RBFOX1: variants seen among roughly 807,000 people sequenced by gnomAD.
RBFOX1 encodes the protein RNA binding fox-1 homolog 1, also known as RNA binding protein fox-1 homolog 1.
In RBFOX1, 8 loss-of-function variants were observed where a neutral mutation model predicts 57.7. That is an observed-to-expected ratio of 0.14 (90% CI 0.08 to 0.25). RBFOX1 has a LOEUF of 0.25. RBFOX1 is among the 10% of genes least tolerant of loss of function. The probability of loss-of-function intolerance (pLI) is 1.00; values close to 1 mark genes in which losing one functional copy is unlikely to be tolerated. For synonymous variants in RBFOX1, 326 were observed against 222.4 expected, an observed-to-expected ratio of 1.47 and a Z score of -4.15; for missense variants, 611 against 548.5, an observed-to-expected ratio of 1.11 and a Z score of -1.14.
chr16:6,822,654 C>A (rs556100715), intron 3 of RBFOX1, among the ~76,000 whole-genome samples: 219 of 152,282 alleles, frequency 1.4e-3, no homozygotes, highest in African/African-American at 5.0e-3. Context: ...TAGACAACCC[C>A]ATGCTAATTC....
At chr16:7,280,757 C>A (rs1436480178) in intron 4 of RBFOX1, among the ~76,000 whole-genome samples, 1 of 152,070 alleles carries the variant, frequency 6.6e-6, no homozygotes, top group South Asian at 2.1e-4. Context: ...TTGGCAAAAT[C>A]CCTGGCCTTT....
At chr16:6,167,859 C>T (rs1050929704) in intron 1 of RBFOX1, among the ~76,000 whole-genome samples, 2 of 152,064 alleles carry the variant, frequency 1.3e-5, no homozygotes, top group Non-Finnish European at 2.9e-5. Flanking sequence ...AGCACTGCTC[C>T]GGGATGGGGT....
At chr16:5,599,292 C>G (rs1288161758) in exon 3 of RBFOX1, 1 of 634,096 alleles carries the variant, frequency 1.6e-6, no homozygotes, top group Admixed American at 2.5e-5. Flanking sequence ...TGTGACGGCC[C>G]CAGGTTGTGG....
intron 4 of RBFOX1, among the ~76,000 whole-genome samples, chr16:7,502,619 A>C (rs945365432): frequency 9.9e-5 from 15 of 152,110 alleles, no homozygotes; most frequent in African/African-American, 3.6e-4. Context: ...TTATACTTTA[A>C]GTTTTAGGGT....
chr16:5,984,946 T>TTTTATATA (rs1450037668), intron 4 of RBFOX1, among the ~76,000 whole-genome samples: 2 of 69,660 alleles, frequency 2.9e-5, no homozygotes, highest in South Asian at 6.3e-4. Context: ...GGCAACTCCA[T>TTTTATATA]TATATATATA....
At chr16:6,677,560 G>A (rs1255766392) in intron 3 of RBFOX1, among the ~76,000 whole-genome samples, 2 of 152,048 alleles carry the variant, frequency 1.3e-5, no homozygotes, top group Non-Finnish European at 2.9e-5. Context: ...AATTAAGCCC[G>A]GAAGCAGAGT....
At chr16:7,526,477 C>T (rs2078738941) in intron 5 of RBFOX1, among the ~76,000 whole-genome samples, 1 of 152,184 alleles carries the variant, frequency 6.6e-6, no homozygotes. Flanking sequence ...CTATAACTCC[C>T]TTCCTCAGCT....
chr16:6,310,242 T>C (rs757145454), intron 1 of RBFOX1, among the ~76,000 whole-genome samples: 2 of 152,156 alleles, frequency 1.3e-5, no homozygotes, highest in East Asian at 3.9e-4. Flanking sequence ...GCGGATACAA[T>C]TGTATTTCAT....
At chr16:5,555,771 C>T (rs2045646832) in intron 2 of RBFOX1, among the ~76,000 whole-genome samples, 1 of 151,916 alleles carries the variant, frequency 6.6e-6, no homozygotes, top group Admixed American at 6.6e-5. Flanking sequence ...CCTGTAATCC[C>T]AGCACTTTGG....
chr16:5,797,506 G>A (rs542930221), intron 3 of RBFOX1, among the ~76,000 whole-genome samples: 1 of 152,326 alleles, frequency 6.6e-6, no homozygotes, highest in Admixed American at 6.5e-5. Context: ...GCTCCCCAGA[G>A]TGACTCAGCT....
At chr16:5,376,845 C>T (rs533492738) in intron 1 of RBFOX1, among the ~76,000 whole-genome samples, 1 of 151,640 alleles carries the variant, frequency 6.6e-6, no homozygotes, top group South Asian at 2.1e-4. Flanking sequence ...TGATGTTGCC[C>T]CATGGCAGGG....
At chr16:6,954,109 G>A (rs2081298651) in intron 3 of RBFOX1, among the ~76,000 whole-genome samples, 1 of 152,166 alleles carries the variant, frequency 6.6e-6, no homozygotes, top group Non-Finnish European at 1.5e-5. Context: ...CACTTAAGGT[G>A]TCAGTCACCT....
chr16:6,526,829 C>CA (rs541468859), intron 2 of RBFOX1, among the ~76,000 whole-genome samples: 1,919 of 32,858 alleles, frequency 0.058, 422 homozygotes, highest in East Asian at 0.092. Context: ...GACTCTGTCT[C>CA]AAAAAAAAAA....
chr16:5,249,826 G>A (rs77559775), intron 1 of RBFOX1, among the ~76,000 whole-genome samples: 1 of 152,122 alleles, frequency 6.6e-6, no homozygotes. Flanking sequence ...GGGCTTGGTG[G>A]TGCCCACCTG....
intron 1 of RBFOX1, among the ~76,000 whole-genome samples, chr16:5,422,772 A>T (rs1248093469): frequency 1.1e-5 from 1 of 94,736 alleles, no homozygotes; most frequent in Non-Finnish European, 2.1e-5. Context: ...GAAGATGGAG[A>T]GGGAGAAGGG....
chr16:7,385,699 A>G (rs545956634), intron 4 of RBFOX1, among the ~76,000 whole-genome samples: 1 of 152,252 alleles, frequency 6.6e-6, no homozygotes, highest in East Asian at 1.9e-4. Context: ...TGACATCTCA[A>G]GAGGTGGGTT....
chr16:5,669,511 C>G (rs1007483518), intron 3 of RBFOX1, among the ~76,000 whole-genome samples: 1 of 149,210 alleles, frequency 6.7e-6, no homozygotes, highest in African/African-American at 2.5e-5. Context: ...CCTCCAACTC[C>G]CTGGTTCAAG....
chr16:6,695,852 G>C (rs1205253569), intron 3 of RBFOX1, among the ~76,000 whole-genome samples: 1 of 152,186 alleles, frequency 6.6e-6, no homozygotes, highest in Middle Eastern at 3.2e-3. Flanking sequence ...TGGAAATCCA[G>C]GTGGCTCAGG....
intron 1 of RBFOX1, among the ~76,000 whole-genome samples, chr16:6,242,234 ATATAAG>A (rs909028922): frequency 1.6e-4 from 24 of 152,104 alleles, no homozygotes; most frequent in Non-Finnish European, 2.6e-4. Flanking sequence ...TTCTCTCTAT[ATATAAG>A]TATATGTTGT....
Sources: gnomAD v4.1 joint callset for allele counts (sites outside exome capture counted in the v4.1 genomes callset) on GRCh38, gnomAD v4.1.1 for gene constraint, MANE v1.5 for transcripts, NCBI Gene and HGNC (gene_info 2026-07-23, HGNC 2026-07-21) for gene names.